The following FRMD6 variants were observed in gnomAD, a reference collection of about 807,000 sequenced individuals.
The protein encoded by FRMD6 is FERM domain-containing protein 6.
In FRMD6, 37 loss-of-function variants were observed where a neutral mutation model predicts 73.2. That is an observed-to-expected ratio of 0.51 (90% CI 0.39 to 0.66). The LOEUF (loss-of-function observed/expected upper bound fraction) is 0.66, where lower values mean the gene tolerates loss of function less well. FRMD6 is among the 30% of genes least tolerant of loss of function. The pLI, the probability that FRMD6 is intolerant of heterozygous loss-of-function variation, is 0.00. For synonymous variants in FRMD6, 273 were observed against 282.2 expected, an observed-to-expected ratio of 0.97 and a Z score of 0.33; for missense variants, 714 against 780.5, an observed-to-expected ratio of 0.91 and a Z score of 1.02.
At chr14:51,708,733 A>G (rs1256590872) in intron 7 of FRMD6, among the ~76,000 whole-genome samples, 6 of 152,136 alleles carry the variant, frequency 3.9e-5, no homozygotes, top group Non-Finnish European at 7.4e-5. Flanking sequence ...ATAACTTTAT[A>G]TGAAAGGTAC....
At chr14:51,619,604 C>T (rs984697138) in intron 2 of FRMD6, among the ~76,000 whole-genome samples, 2 of 152,084 alleles carry the variant, frequency 1.3e-5, no homozygotes, top group African/African-American at 4.8e-5. Context: ...GATGAGAAAC[C>T]GTAGACTACT....
chr14:51,568,052 C>T (rs180786612), intron 1 of FRMD6, among the ~76,000 whole-genome samples: 64 of 152,340 alleles, frequency 4.2e-4, no homozygotes, highest in African/African-American at 1.3e-3. Flanking sequence ...CTTGCCTTGA[C>T]GAGCTGAGAA....
intron 3 of FRMD6, among the ~76,000 whole-genome samples, chr14:51,699,006 A>G (rs1896123088): frequency 6.6e-6 from 1 of 151,918 alleles, no homozygotes; most frequent in Admixed American, 6.6e-5. Context: ...AATATGGTTT[A>G]TTTTCTACTG....
chr14:51,420,253 A>G, the FRMD6 span, among the ~76,000 whole-genome samples: 590 of 152,330 alleles, frequency 3.9e-3, 2 homozygotes, highest in East Asian at 8.7e-3. Context: ...CTCTACTACT[A>G]TTGTCACAGC....
chr14:51,690,749 G>T (rs1157515294), intron 2 of FRMD6, among the ~76,000 whole-genome samples: 1 of 152,122 alleles, frequency 6.6e-6, no homozygotes, highest in Non-Finnish European at 1.5e-5. Context: ...CAATTTCCAG[G>T]ACTAGGTGCC....
chr14:51,569,830 T>C (rs1270704748), intron 1 of FRMD6, among the ~76,000 whole-genome samples: 2 of 150,928 alleles, frequency 1.3e-5, no homozygotes, highest in African/African-American at 4.9e-5. Context: ...TTTCTTTTTT[T>C]TTTTTGAGAC....
the FRMD6 span, among the ~76,000 whole-genome samples, chr14:51,403,591 GA>G: frequency 2.0e-5 from 3 of 151,978 alleles, no homozygotes; most frequent in African/African-American, 7.3e-5. Flanking sequence ...TTGTAGAGAC[GA>G]GATCTTGCTA....
At chr14:51,624,055 C>A (rs7492722) in intron 2 of FRMD6, among the ~76,000 whole-genome samples, 116,516 of 151,998 alleles carry the variant, frequency 0.77, 45,000 homozygotes, top group Non-Finnish European at 0.8. Flanking sequence ...AGGAACAGAA[C>A]ACCAAATACC....
rs913850008 is a variant in FRMD6, at chr14:51,522,503, A to G, written c.-210+33083A>G. ...TGCTATTATAAAACCCTGTAGCACC[A>G]TGTTTTGGTAGGGGCAGCAACATAA... On this transcript the variant is annotated intron_variant, in intron 1 of 14. Coordinates refer to the FRMD6 transcript ENST00000356218. Among the ~76,000 whole-genome samples, 3 of 152,142 alleles carry G rather than the reference A, an allele frequency of 2.0e-5. No homozygotes were observed. In the South Asian group the frequency reaches 6.2e-4, roughly 32 times the overall value.
intron 2 of FRMD6, among the ~76,000 whole-genome samples, chr14:51,594,909 T>A (rs1357953610): frequency 1.3e-5 from 2 of 152,246 alleles, no homozygotes; most frequent in Admixed American, 1.3e-4. Flanking sequence ...AATTGGCTGC[T>A]TTGGATATTC....
At chr14:51,671,378 T>C (rs1053937695) in intron 1 of FRMD6, among the ~76,000 whole-genome samples, 1 of 152,212 alleles carries the variant, frequency 6.6e-6, no homozygotes, top group African/African-American at 2.4e-5. Flanking sequence ...AGAATTTTCT[T>C]TGTCATAAAA....
At chr14:51,476,499 C>T in the FRMD6 span, among the ~76,000 whole-genome samples, 1 of 152,224 alleles carries the variant, frequency 6.6e-6, no homozygotes, top group Admixed American at 6.5e-5. Context: ...TTTACTTGCA[C>T]TCAAGAGGAG....
chr14:51,685,108 A>G (rs975177957), intron 1 of FRMD6, among the ~76,000 whole-genome samples: 2 of 152,192 alleles, frequency 1.3e-5, no homozygotes, highest in African/African-American at 4.8e-5. Context: ...AGTACCTAAC[A>G]GTGCCTGGAA....
chr14:51,569,436 T>C (rs1421857257), intron 1 of FRMD6, among the ~76,000 whole-genome samples: 2 of 152,036 alleles, frequency 1.3e-5, no homozygotes, highest in African/African-American at 4.8e-5. Context: ...TTGTTTAGAA[T>C]ACTTTATTGT....
the FRMD6 span, among the ~76,000 whole-genome samples, chr14:51,425,547 C>T: frequency 6.6e-6 from 1 of 152,188 alleles, no homozygotes; most frequent in Non-Finnish European, 1.5e-5. Flanking sequence ...CTCACCTTCT[C>T]TTTTCCAGTT....
intron 1 of FRMD6, among the ~76,000 whole-genome samples, chr14:51,667,843 T>G (rs190552702): frequency 3.3e-5 from 5 of 152,330 alleles, no homozygotes; most frequent in Admixed American, 2.6e-4. Flanking sequence ...ACTCAAATAC[T>G]GATTTTCTGA....
At chr14:51,539,297 C>CT (rs889585646) in intron 1 of FRMD6, among the ~76,000 whole-genome samples, 1 of 150,114 alleles carries the variant, frequency 6.7e-6, no homozygotes, top group African/African-American at 2.5e-5. Context: ...ATGTCTGTCC[C>CT]TTTTGGGAAG....
chr14:51,721,704 A>AAGGAAGGAAGGGAGGGAGGAAGGG, intron 11 of FRMD6, among the ~76,000 whole-genome samples: 3 of 129,490 alleles, frequency 2.3e-5, no homozygotes, highest in African/African-American at 9.5e-5. Context: ...GGAAGGAAGG[A>AAGGAAGGAAGGGAGGGAGGAAGGG]AGGAAGGAAG....
At chr14:51,652,520 T>C (rs1211598339) in intron 1 of FRMD6, among the ~76,000 whole-genome samples, 2 of 152,208 alleles carry the variant, frequency 1.3e-5, no homozygotes, top group African/African-American at 2.4e-5. Flanking sequence ...GGCTGCGCCG[T>C]GCCGCCTGTT....
Sources: gnomAD v4.1 joint callset for allele counts (sites outside exome capture counted in the v4.1 genomes callset) on GRCh38, gnomAD v4.1.1 for gene constraint, MANE v1.5 for transcripts, NCBI Gene and HGNC (gene_info 2026-07-23, HGNC 2026-07-21) for gene names.